UBE2K: variants seen among roughly 807,000 people sequenced by gnomAD.
UBE2K encodes ubiquitin-conjugating enzyme E2 K.
A neutral mutation model predicts 30.0 loss-of-function variants in UBE2K; 6 were observed. The observed-to-expected ratio is 0.20, with a 90% CI of 0.11 to 0.39. UBE2K has a LOEUF of 0.39. UBE2K is among the 10% of genes least tolerant of loss of function. The pLI is 1.00. For synonymous variants in UBE2K, 86 were observed against 83.7 expected (o/e 1.03, Z -0.15); for missense variants, 61 against 241.6 (o/e 0.25, Z 4.96).
intron 4 of UBE2K, chr4:39,770,146 C>T (rs1159997858): frequency 3.1e-6 from 5 of 1,601,432 alleles, no homozygotes; most frequent in Admixed American, 3.3e-5. Context: ...GTGGTCTTGC[C>T]GTGTTGCTCC....
At chr4:39,747,672 A>G (rs1210269258) in intron 3 of UBE2K, among the ~76,000 whole-genome samples, 1 of 152,166 alleles carries the variant, frequency 6.6e-6, no homozygotes, top group Non-Finnish European at 1.5e-5. Context: ...GCAGGAGTGC[A>G]GTGGCACAAT....
At chr4:39,760,173 T>TCA (rs1422762409) in intron 4 of UBE2K, among the ~76,000 whole-genome samples, 38 of 9,598 alleles carry the variant, frequency 4.0e-3, no homozygotes, top group Admixed American at 7.9e-3. Context: ...CGAGACTCTG[T>TCA]CACAAAAAAA....
chr4:39,763,187 C>A (rs1317690382), intron 4 of UBE2K, among the ~76,000 whole-genome samples: 2 of 151,984 alleles, frequency 1.3e-5, no homozygotes, highest in Non-Finnish European at 1.5e-5. Flanking sequence ...AAGTGATCCA[C>A]CCGCCTTGGC....
At chr4:39,746,869 G>T (rs1185877850) in intron 3 of UBE2K, among the ~76,000 whole-genome samples, 2 of 152,102 alleles carry the variant, frequency 1.3e-5, no homozygotes, top group African/African-American at 2.4e-5. Flanking sequence ...TTATATAGTG[G>T]CAACACAAAT....
At position 39,751,446 on chromosome 4, in the gene UBE2K, G is replaced by C. The variant is rs28407484; in HGVS notation, c.217-4211G>C. ...CTAGCACTGTGGGAGGCTGAGGTGG[G>C]TGGATCACTTGAGCCCAAGAGTTCG... On this transcript the variant is annotated intron_variant, in intron 3 of 6. Transcript: ENST00000261427. Among the ~76,000 whole-genome samples the C allele has an allele frequency of 5.9e-3, 892 of 152,212 alleles. 6 individuals carry two copies. The highest frequency in any genetic ancestry group is 0.02 in the African/African-American group (847 of 41,514).
chr4:39,704,618 C>T (rs1718224592), intron 1 of UBE2K, among the ~76,000 whole-genome samples: 1 of 152,064 alleles, frequency 6.6e-6, no homozygotes, highest in African/African-American at 2.4e-5. Context: ...CAGTTCACTG[C>T]AGCCTTGAAC....
intron 1 of UBE2K, among the ~76,000 whole-genome samples, chr4:39,715,228 A>T (rs1297314377): frequency 6.6e-6 from 1 of 151,046 alleles, no homozygotes; most frequent in Non-Finnish European, 1.5e-5. Flanking sequence ...ATGGGGTTTC[A>T]CCATGTTAGC....
At chr4:39,713,892 T>G (rs78551742) in intron 1 of UBE2K, 1 of 148,418 alleles carries the variant, frequency 6.7e-6, no homozygotes, top group Non-Finnish European at 1.5e-5. Context: ...CATGAGCAGC[T>G]TTTTTTTTTA....
chr4:39,770,772 T>G (rs1712745642), intron 4 of UBE2K: 4 of 1,582,838 alleles, frequency 2.5e-6, no homozygotes, highest in Non-Finnish European at 3.4e-6. Flanking sequence ...TCCAGGGGGC[T>G]TGAGCCGGTG....
At chr4:39,755,823 C>T in intron 4 of UBE2K, 84 bp downstream of exon 4, 3 of 1,001,578 alleles carry the variant, frequency 3.0e-6, no homozygotes, top group Non-Finnish European at 4.5e-6. Flanking sequence ...TGCCTCAAAA[C>T]ATATATTATA....
intron 2 of UBE2K, among the ~76,000 whole-genome samples, chr4:39,743,308 A>G (rs302945): frequency 0.19 from 28,140 of 151,922 alleles, 4,610 homozygotes; most frequent in African/African-American, 0.44. Context: ...TCAGATATAT[A>G]AAAAAGAAGA....
chr4:39,703,844 C>CAAAAA (rs33995934), intron 1 of UBE2K, among the ~76,000 whole-genome samples: 9 of 105,266 alleles, frequency 8.5e-5, no homozygotes, highest in East Asian at 2.8e-4. Flanking sequence ...GACTCCATCT[C>CAAAAA]AAAAAAAAAA....
At chr4:39,764,785 CTAGAGTCTGTAG>C (rs1712204377) in intron 4 of UBE2K, among the ~76,000 whole-genome samples, 1 of 151,962 alleles carries the variant, frequency 6.6e-6, no homozygotes, top group Non-Finnish European at 1.5e-5. Context: ...AAATGGTAAT[CTAGAGTCTGTAG>C]TAGATTGTGT....
chr4:39,758,671 C>T (rs189583811), intron 4 of UBE2K, among the ~76,000 whole-genome samples: 68 of 151,538 alleles, frequency 4.5e-4, no homozygotes, highest in African/African-American at 1.3e-3. Context: ...GAGTGAGACC[C>T]CATCTCAAAA....
intron 1 of UBE2K, among the ~76,000 whole-genome samples, chr4:39,706,902 G>A (rs1718397869): frequency 6.6e-6 from 1 of 151,720 alleles, no homozygotes; most frequent in Non-Finnish European, 1.5e-5. Context: ...GAATGAGGGA[G>A]GTTCTTTTTT....
chr4:39,717,929 G>C (rs575959671), intron 1 of UBE2K, among the ~76,000 whole-genome samples: 1 of 147,086 alleles, frequency 6.8e-6, no homozygotes, highest in African/African-American at 2.7e-5. Context: ...TCGTGGTTTC[G>C]CTGGCTTCAG....
intron 3 of UBE2K, among the ~76,000 whole-genome samples, chr4:39,748,833 A>C (rs1238370223): frequency 6.6e-6 from 1 of 152,178 alleles, no homozygotes; most frequent in Non-Finnish European, 1.5e-5. Flanking sequence ...AAAAATAAAG[A>C]ACAAACAAGA....
intron 4 of UBE2K, chr4:39,771,396 G>A: frequency 6.2e-7 from 1 of 1,611,692 alleles, no homozygotes; most frequent in South Asian, 1.1e-5. Flanking sequence ...CGGCCTAGTG[G>A]CCGGGCAGCT....
At chr4:39,776,705 G>A (rs1296843260) in intron 5 of UBE2K, among the ~76,000 whole-genome samples, 1 of 151,756 alleles carries the variant, frequency 6.6e-6, no homozygotes, top group East Asian at 1.9e-4. Context: ...ATCTGTTTAT[G>A]TATATATGTA....
Sources: gnomAD v4.1 joint callset for allele counts (sites outside exome capture counted in the v4.1 genomes callset) on GRCh38, gnomAD v4.1.1 for gene constraint, MANE v1.5 for transcripts, NCBI Gene and HGNC (gene_info 2026-07-23, HGNC 2026-07-21) for gene names.